NKAIN2: variants seen among roughly 807,000 people sequenced by gnomAD.
NKAIN2 encodes sodium/potassium transporting ATPase interacting 2.
In NKAIN2, 14 loss-of-function variants were observed where a neutral mutation model predicts 32.6. The observed-to-expected ratio is 0.43, with a 90% CI of 0.28 to 0.67. NKAIN2 has a LOEUF of 0.67. Ranked by LOEUF, NKAIN2 falls within the 30% of genes least tolerant of loss-of-function variation. NKAIN2 has a pLI of 0.17. For synonymous variants in NKAIN2, 80 were observed against 87.2 expected, an observed-to-expected ratio of 0.92 and a Z score of 0.46; for missense variants, 198 against 258.3, an observed-to-expected ratio of 0.77 and a Z score of 1.60.
In NKAIN2 at chr6:124,095,021, A is replaced by T. The variant is rs112752744; in HGVS notation, c.55-187984A>T. On this transcript the variant is annotated intron_variant, in intron 1 of 6. Transcript: ENST00000368417. ...TATTTTATTTCTCTGTAAAATTGAG[A>T]CATTAAAAAATATGTAATAACATGG... Among the ~76,000 whole-genome samples, 1,504 of 152,236 alleles carry T rather than the reference A, an allele frequency of 9.9e-3. 19 individuals carry two copies. The highest frequency in any genetic ancestry group is 0.035 in the African/African-American group (1,434 of 41,554).
intron 3 of NKAIN2, among the ~76,000 whole-genome samples, chr6:124,507,681 C>T (rs149929964): frequency 6.6e-6 from 1 of 152,104 alleles, no homozygotes; most frequent in African/African-American, 2.4e-5. Flanking sequence ...AATCCTAATA[C>T]TCAAAATACT....
At chr6:124,359,887 C>A (rs566780859) in intron 3 of NKAIN2, among the ~76,000 whole-genome samples, 1 of 152,262 alleles carries the variant, frequency 6.6e-6, no homozygotes, top group African/African-American at 2.4e-5. Flanking sequence ...TTTGCCCATT[C>A]AGTATGATAT....
intron 1 of NKAIN2, among the ~76,000 whole-genome samples, chr6:123,833,691 C>CTCTG (rs1774481559): frequency 1.5e-5 from 2 of 129,546 alleles, no homozygotes; most frequent in Non-Finnish European, 3.2e-5. Flanking sequence ...ATTTTTTTTC[C>CTCTG]TGTGTGTGTG....
At position 124,218,209 on chromosome 6, in the gene NKAIN2, G is replaced by C. The variant is rs1791591633; in HGVS notation, c.55-64796G>C. 1.3e-5 allele frequency among the ~76,000 whole-genome samples: 2 copies of C among 152,086 alleles called. 1 individual carries two copies. Among genetic ancestry groups the C allele is most frequent in the South Asian group, 4.1e-4 (2 of 4,828 alleles). ...ATGTTAATGTAGTAAGAGTTGAAGA[G>C]TAATTTAAATATAATTAGGGCTTAA... On this transcript the variant is annotated intron_variant, in intron 1 of 6. Transcript: ENST00000368417.
intron 1 of NKAIN2, among the ~76,000 whole-genome samples, chr6:124,143,968 G>A (rs749216101): frequency 7.2e-5 from 11 of 152,208 alleles, no homozygotes; most frequent in Admixed American, 5.2e-4. Context: ...TTCACAAAGC[G>A]TACAGTGTCT....
chr6:124,765,363 C>G (rs1778465478), intron 4 of NKAIN2, among the ~76,000 whole-genome samples: 1 of 152,228 alleles, frequency 6.6e-6, no homozygotes. Context: ...ACTGCATTTA[C>G]AGAGAGACCT....
chr6:123,974,000 G>A (rs577609463), intron 1 of NKAIN2, among the ~76,000 whole-genome samples: 11 of 152,120 alleles, frequency 7.2e-5, no homozygotes, highest in Middle Eastern at 3.4e-3. Context: ...TCAAAGACAC[G>A]AAACTTTTAT....
intron 1 of NKAIN2, among the ~76,000 whole-genome samples, chr6:124,083,964 G>T: frequency 6.6e-6 from 1 of 151,948 alleles, no homozygotes; most frequent in East Asian, 1.9e-4. Flanking sequence ...TATAACAAGG[G>T]TTTTGATCTT....
chr6:123,968,851 T>A (rs1301890020), intron 1 of NKAIN2, among the ~76,000 whole-genome samples: 1 of 152,188 alleles, frequency 6.6e-6, no homozygotes, highest in Non-Finnish European at 1.5e-5. Flanking sequence ...ACCTGAGCCT[T>A]CACCCTCCTC....
At chr6:124,197,038 G>A (rs547221522) in intron 1 of NKAIN2, among the ~76,000 whole-genome samples, 6 of 151,444 alleles carry the variant, frequency 4.0e-5, no homozygotes, top group African/African-American at 9.7e-5. Flanking sequence ...ATCTGGAATA[G>A]TATGCTTATT....
chr6:124,239,930 C>T (rs1170711783), intron 1 of NKAIN2, among the ~76,000 whole-genome samples: 2 of 151,934 alleles, frequency 1.3e-5, no homozygotes, highest in Admixed American at 1.3e-4. Context: ...CACGAAAACA[C>T]CTTCAAAAAA....
chr6:124,082,425 G>A (rs1468391254), intron 1 of NKAIN2, among the ~76,000 whole-genome samples: 1 of 151,986 alleles, frequency 6.6e-6, no homozygotes, highest in African/African-American at 2.4e-5. Flanking sequence ...TTATGCAAAA[G>A]ATATGAGAAT....
intron 3 of NKAIN2, among the ~76,000 whole-genome samples, chr6:124,373,782 G>A (rs974781640): frequency 5.9e-5 from 9 of 152,226 alleles, no homozygotes; most frequent in Non-Finnish European, 1.2e-4. Flanking sequence ...CAAAGAGAAA[G>A]TTATTGCCAA....
In NKAIN2 at chr6:123,833,475, A is replaced by AT. The variant is rs949462846; in HGVS notation, c.54+29225dup. Among the ~76,000 whole-genome samples the AT allele has an allele frequency of 3.1e-3, 478 of 152,134 alleles. 1 individual carries two copies. The highest frequency in any genetic ancestry group is 0.011 in the African/African-American group (451 of 41,486). On this transcript the variant is annotated intron_variant, in intron 1 of 6. Coordinates refer to ENST00000368417, the MANE Select transcript of NKAIN2 (RefSeq NM_001040214.3). ...GATATGTATAAAATAAGTTTCTGGG[A>AT]TTTTGATTTAGATTTCATTGAAGCT... is the stretch of plus-strand genomic sequence containing the variant.
chr6:123,821,100 A>G (rs1773905133), intron 1 of NKAIN2, among the ~76,000 whole-genome samples: 13 of 152,198 alleles, frequency 8.5e-5, no homozygotes, highest in Admixed American at 8.5e-4. Context: ...AATGAGTAAC[A>G]TTACATGCCA....
In NKAIN2 at chr6:123,898,169, T is replaced by TA. The variant is rs1480892524; in HGVS notation, c.54+93916dup. On this transcript the variant is annotated intron_variant, in intron 1 of 6. Coordinates refer to ENST00000368417, the MANE Select transcript of NKAIN2 (RefSeq NM_001040214.3). Reference sequence around the variant, plus strand: ...TTGGAAGGCCACTGGCGGACACTGATACAGGCTTAATGACATGGACTTCCT... The same window carrying TA: ...TTGGAAGGCCACTGGCGGACACTGATAACAGGCTTAATGACATGGACTTCCT... Among the ~76,000 whole-genome samples, 3 of 152,316 alleles carry TA rather than the reference T, an allele frequency of 2.0e-5. No individual in the cohort carries two copies. The East Asian group carries it at 5.8e-4, about 29-fold the overall frequency.
At chr6:124,346,735 T>G (rs1025498725) in intron 2 of NKAIN2, among the ~76,000 whole-genome samples, 77 of 152,070 alleles carry the variant, frequency 5.1e-4, no homozygotes, top group African/African-American at 1.6e-3. Flanking sequence ...TGTCTCTGCA[T>G]GTGAGATGGG....
chr6:124,082,120 A>T (rs1350841858), intron 1 of NKAIN2, among the ~76,000 whole-genome samples: 1 of 152,038 alleles, frequency 6.6e-6, no homozygotes, highest in Non-Finnish European at 1.5e-5. Context: ...GGGTGGCATG[A>T]TGGAAACCAT....
chr6:123,870,804 T>C (rs938503839), intron 1 of NKAIN2, among the ~76,000 whole-genome samples: 3 of 152,188 alleles, frequency 2.0e-5, no homozygotes, highest in Non-Finnish European at 2.9e-5. Flanking sequence ...AGTGCTTAAG[T>C]GCTGAAATAT....
Sources: allele counts gnomAD v4.1 joint callset (sites outside exome capture counted in the v4.1 genomes callset), GRCh38; gene constraint gnomAD v4.1.1; transcripts MANE v1.5; gene names NCBI Gene and HGNC (gene_info 2026-07-23, HGNC 2026-07-21).